Variants in PTK2 observed in about 807,000 individuals in gnomAD.
PTK2 encodes the protein focal adhesion kinase 1.
PTK2 carries 45 observed loss-of-function variants against 150.1 expected under a neutral mutation model. The ratio of observed to expected loss-of-function variants is 0.30; its 90% CI spans 0.24 to 0.38. The LOEUF is 0.38. PTK2 is among the 10% of genes least tolerant of loss of function. The pLI, the probability that PTK2 is intolerant of heterozygous loss-of-function variation, is 1.00. For missense variants in PTK2, 919 were observed against 1,307.3 expected (o/e 0.70, Z 4.58); for synonymous variants, 432 against 449.2 (o/e 0.96, Z 0.48).
At chr8:140,849,384 C>A (rs2100127718) in intron 5 of PTK2, among the ~76,000 whole-genome samples, 1 of 152,204 alleles carries the variant, frequency 6.6e-6, no homozygotes, top group Admixed American at 6.5e-5. Flanking sequence ...TGAGGCTGGG[C>A]TTCAAGACTC....
chr8:140,993,445 T>C (rs1478478881), intron 1 of PTK2, among the ~76,000 whole-genome samples: 2 of 152,244 alleles, frequency 1.3e-5, no homozygotes, highest in Non-Finnish European at 2.9e-5. Context: ...AATATTACTG[T>C]GTAAGACACT....
At chr8:140,918,289 G>A (rs1411579500) in intron 2 of PTK2, among the ~76,000 whole-genome samples, 2 of 152,148 alleles carry the variant, frequency 1.3e-5, no homozygotes, top group Non-Finnish European at 2.9e-5. Context: ...CAAGAGATCA[G>A]ATCAGGATTT....
At chr8:140,882,905 G>C (rs760604770) in intron 3 of PTK2, among the ~76,000 whole-genome samples, 2 of 152,198 alleles carry the variant, frequency 1.3e-5, no homozygotes, top group African/African-American at 4.8e-5. Context: ...TAATGTTACA[G>C]AGTATCATTT....
chr8:140,817,819 G>T (rs2100105658), intron 10 of PTK2, among the ~76,000 whole-genome samples: 1 of 152,136 alleles, frequency 6.6e-6, no homozygotes, highest in Non-Finnish European at 1.5e-5. Flanking sequence ...GTAGAAGTGT[G>T]AGTTTCCATC....
intron 8 of PTK2, among the ~76,000 whole-genome samples, chr8:140,823,503 G>C (rs868438344): frequency 1.3e-5 from 2 of 148,756 alleles, no homozygotes; most frequent in Middle Eastern, 3.6e-3. Flanking sequence ...ATACACACCT[G>C]CCTACCTGAC....
chr8:140,758,730 A>C lies in PTK2; in HGVS notation c.1332+2435T>G, dbSNP rs78554926. ...AAGCTAAGGTTAATTTAGTATTAAG[A>C]AAAGTTTTTAAGATAAATTTAACGT... On this transcript the variant is annotated intron_variant, in intron 16 of 31. Coordinates refer to ENST00000522684, the Ensembl canonical transcript of PTK2. Among the ~76,000 whole-genome samples the C allele has an allele frequency of 4.1e-3, 627 of 152,360 alleles. 3 individuals carry two copies. The highest frequency in any genetic ancestry group is 7.1e-3 in the Non-Finnish European group (481 of 68,030).
chr8:140,809,853 C>T (rs559046253), intron 10 of PTK2, among the ~76,000 whole-genome samples: 141 of 152,252 alleles, frequency 9.3e-4, no homozygotes, highest in African/African-American at 3.1e-3. Context: ...AAACACCTGC[C>T]GTTTAAAAAG....
chr8:140,958,802 T>C (rs1047442028), intron 1 of PTK2, among the ~76,000 whole-genome samples: 2 of 152,274 alleles, frequency 1.3e-5, no homozygotes, highest in Admixed American at 6.5e-5. Flanking sequence ...ATTTAGCTTC[T>C]AGAAAAATTT....
At chr8:140,859,761 C>T (rs1599052637) in intron 5 of PTK2, among the ~76,000 whole-genome samples, 1 of 144,158 alleles carries the variant, frequency 6.9e-6, no homozygotes, top group Non-Finnish European at 1.5e-5. Flanking sequence ...CTCCCGCCCA[C>T]CCCCGACATG....
chr8:140,787,711 A>T (rs2100085754), intron 14 of PTK2, among the ~76,000 whole-genome samples: 1 of 152,240 alleles, frequency 6.6e-6, no homozygotes. Flanking sequence ...AATAGTCCTT[A>T]TTAACATAAT....
chr8:140,904,754 C>A (rs1020157086), intron 2 of PTK2, among the ~76,000 whole-genome samples: 1 of 152,076 alleles, frequency 6.6e-6, no homozygotes, highest in Non-Finnish European at 1.5e-5. Context: ...GGAATGTATC[C>A]ATTTCTTCTA....
chr8:140,722,698 T>C (rs1202173271), intron 22 of PTK2, among the ~76,000 whole-genome samples: 1 of 152,170 alleles, frequency 6.6e-6, no homozygotes, highest in East Asian at 1.9e-4. Context: ...TTAGTGGTTT[T>C]ACAGTGCCCT....
At chr8:140,807,589 A>G (rs971527286) in intron 10 of PTK2, among the ~76,000 whole-genome samples, 2 of 152,244 alleles carry the variant, frequency 1.3e-5, no homozygotes, top group East Asian at 1.9e-4. Flanking sequence ...GCTATGGAGC[A>G]CCCAGTGGTA....
At chr8:140,846,063 T>A (rs2100125251) in intron 7 of PTK2, among the ~76,000 whole-genome samples, 197 bp downstream of exon 7, 1 of 152,208 alleles carries the variant, frequency 6.6e-6, no homozygotes, top group African/African-American at 2.4e-5. Flanking sequence ...CCATATACAA[T>A]GTTAGCTTTA....
At chr8:140,659,885 C>G (rs2076984599) in intron 31 of PTK2, among the ~76,000 whole-genome samples, 1 of 152,142 alleles carries the variant, frequency 6.6e-6, no homozygotes, top group Non-Finnish European at 1.5e-5. Flanking sequence ...TTTTTATGAG[C>G]CTTTCTTTCA....
At chr8:140,994,764 T>A (rs560323471) in intron 1 of PTK2, among the ~76,000 whole-genome samples, 1 of 152,318 alleles carries the variant, frequency 6.6e-6, no homozygotes, top group South Asian at 2.1e-4. Context: ...CCCTGTCTCT[T>A]CTGCTCTCCT....
At chr8:140,974,765 A>C (rs993845874) in intron 1 of PTK2, among the ~76,000 whole-genome samples, 1 of 152,216 alleles carries the variant, frequency 6.6e-6, no homozygotes. Flanking sequence ...TCCCCAGGGA[A>C]AAACAGCTCA....
At chr8:140,736,409 T>A (rs142700391) in intron 21 of PTK2, among the ~76,000 whole-genome samples, 1 of 152,046 alleles carries the variant, frequency 6.6e-6, no homozygotes, top group East Asian at 1.9e-4. Flanking sequence ...GTTGAAAAAG[T>A]ACCCATTGGG....
At chr8:140,813,370 C>A (rs1007126108) in intron 10 of PTK2, among the ~76,000 whole-genome samples, 5 of 150,682 alleles carry the variant, frequency 3.3e-5, no homozygotes, top group Admixed American at 1.3e-4. Context: ...ATCTCTGGGA[C>A]ACAGGTAAGG....
Sources: gnomAD v4.1 joint callset for allele counts (sites outside exome capture counted in the v4.1 genomes callset) on GRCh38, gnomAD v4.1.1 for gene constraint, MANE v1.5 for transcripts, NCBI Gene and HGNC (gene_info 2026-07-23, HGNC 2026-07-21) for gene names.